INTS2: variants seen among roughly 807,000 people sequenced by gnomAD.
The protein encoded by INTS2 is KIAA1287.
A neutral mutation model predicts 139.6 loss-of-function variants in INTS2; 57 were observed. That is an observed-to-expected ratio of 0.41 (90% CI 0.33 to 0.51). The LOEUF is 0.51. INTS2 is among the 20% of genes least tolerant of loss of function. The pLI, the probability that INTS2 is intolerant of heterozygous loss-of-function variation, is 0.28. For synonymous variants in INTS2, 473 were observed against 493.4 expected (o/e 0.96, Z 0.55); for missense variants, 1,196 against 1,436.7 (o/e 0.83, Z 2.71).
At chr17:61,891,410 A>C in intron 14 of INTS2, 103 bp downstream of exon 14, 1 of 842,220 alleles carries the variant, frequency 1.2e-6, no homozygotes, top group East Asian at 2.5e-5. Context: ...TTTTAAATTC[A>C]GAACTACCTA....
chr17:61,921,036 C>T (rs2079635958), intron 4 of INTS2, among the ~76,000 whole-genome samples: 2 of 152,144 alleles, frequency 1.3e-5, no homozygotes, highest in Non-Finnish European at 2.9e-5. Context: ...CCTCCTGCCT[C>T]GGCCTCCCAA....
intron 13 of INTS2, among the ~76,000 whole-genome samples, chr17:61,892,877 C>T (rs1437527208): frequency 1.3e-5 from 2 of 150,566 alleles, no homozygotes; most frequent in African/African-American, 4.9e-5. Flanking sequence ...TCACTTGAAC[C>T]CAGGAGGCGG....
chr17:61,869,053 G>C lies in INTS2; in HGVS notation c.3225C>G (p.Val1075=). The C allele has an allele frequency of 6.2e-7, 1 of 1,606,386 alleles. No individual in the cohort carries two copies. The highest frequency in any genetic ancestry group is 8.5e-7 in the Non-Finnish European group (1 of 1,173,578). ...SLSVARLAVN[V]MGTLLTVLTQ... ...ACATACCTGTTAACAAAGTTCCCATGACATTGACAGCTAAACGAGCCACAC... is the reference window on the plus strand; with the variant it reads ...ACATACCTGTTAACAAAGTTCCCATCACATTGACAGCTAAACGAGCCACAC... The change falls in exon 23 of 25, where the codon GTC becomes GTG. Residue 1075 remains valine, a synonymous_variant. Transcript: ENST00000251334. The surrounding 1 kb of genome is among the most constrained non-coding windows in gnomAD (Gnocchi z 5.4).
intron 17 of INTS2, among the ~76,000 whole-genome samples, chr17:61,879,645 G>A (rs1338015971): frequency 6.6e-6 from 1 of 152,142 alleles, no homozygotes; most frequent in Non-Finnish European, 1.5e-5. Flanking sequence ...GAGCCCACGA[G>A]TTTGAGACCA....
intron 9 of INTS2, among the ~76,000 whole-genome samples, chr17:61,898,321 G>A (rs1161122753): frequency 6.6e-6 from 1 of 152,154 alleles, no homozygotes; most frequent in Non-Finnish European, 1.5e-5. Flanking sequence ...TTGAGACAAT[G>A]TCTTGCTCTG....
intron 16 of INTS2, among the ~76,000 whole-genome samples, 152 bp from the exon 17 acceptor site, chr17:61,881,323 G>T (rs1050824335): frequency 3.9e-5 from 6 of 152,242 alleles, no homozygotes; most frequent in Middle Eastern, 6.8e-3. Flanking sequence ...ATGGCCGGGC[G>T]CGGTGGCTCA....
At chr17:61,921,872 T>G (rs1186247976) in intron 3 of INTS2, 45 bp from the exon 4 acceptor site, 1 of 953,944 alleles carries the variant, frequency 1.0e-6, no homozygotes, top group Non-Finnish European at 1.6e-6. Context: ...TAATTTCAGA[T>G]AATTAAATCC....
intron 5 of INTS2, among the ~76,000 whole-genome samples, chr17:61,912,734 A>C (rs1177285758): frequency 1.3e-5 from 2 of 152,122 alleles, no homozygotes; most frequent in African/African-American, 4.8e-5. Context: ...AATCATACCA[A>C]GAAACATCAT....
chr17:61,911,891 T>G, intron 6 of INTS2, 49 bp downstream of exon 6: 1 of 1,580,442 alleles, frequency 6.3e-7, no homozygotes. Context: ...AGAAGAGTTC[T>G]TGGACCTAAT....
rs2079174131 is a variant in INTS2 at position 61,881,098 on chromosome 17, A to G, written c.2163T>C (p.Cys721=). 1.9e-6 allele frequency: 3 copies of G among 1,613,680 alleles called. No homozygotes were observed. Among genetic ancestry groups the G allele is most frequent in the Admixed American group, 1.7e-5 (1 of 60,020 alleles). The change falls in exon 17 of 25, where the codon TGT becomes TGC. Residue 721 remains cysteine (C), a synonymous_variant. Coordinates refer to ENST00000251334, the MANE Select transcript of INTS2 (RefSeq NM_001351695.2). Reference sequence around the variant, plus strand: ...CATCAGTCCCTGTGATTTCTTCTTCACAAATCCAGTCATCCACAATACATA... The same window carrying G: ...CATCAGTCCCTGTGATTTCTTCTTCGCAAATCCAGTCATCCACAATACATA... ...PHLCIVDDWI[C]EEEITGTDAL...
In INTS2 at chr17:61,868,444, C is replaced by T. The variant is rs558987721; in HGVS notation, c.3245-435G>A. ...GATATAAATACGATGAAAAGAAAAA[C>T]AACAGGGTATTATGGAAATATTATA... On this transcript the variant is annotated intron_variant, in intron 23 of 24. Transcript: ENST00000251334. The surrounding 1 kb of genome is among the most constrained non-coding windows in gnomAD (Gnocchi z 4.7). Among the ~76,000 whole-genome samples, 1 of 152,092 alleles carries T rather than the reference C, an allele frequency of 6.6e-6. No homozygotes were observed. Among genetic ancestry groups the T allele is most frequent in the Admixed American group, 6.5e-5 (1 of 15,272 alleles).
chr17:61,915,347 AAT>A (rs1197049222), intron 5 of INTS2, among the ~76,000 whole-genome samples: 73 of 149,184 alleles, frequency 4.9e-4, no homozygotes, highest in African/African-American at 1.8e-3. Flanking sequence ...CAAAAAAATA[AAT>A]AAATAAATAA....
chr17:61,911,075 G>T, intron 7 of INTS2: 1 of 173,522 alleles, frequency 5.8e-6, no homozygotes, highest in Non-Finnish European at 1.2e-5. Flanking sequence ...TAGGGTTATT[G>T]TTGTTTGGTT....
At position 61,867,539 on chromosome 17, in the gene INTS2, G is replaced by T; in HGVS notation, c.*18C>A. ...GGGTATATGCAGCAAACAACTTTTTGTTGTTTTAAATTTTGTTTTAAATTC... is the reference window on the plus strand; with the variant it reads ...GGGTATATGCAGCAAACAACTTTTTTTTGTTTTAAATTTTGTTTTAAATTC... On this transcript the variant is annotated 3_prime_UTR_variant, in exon 25 of 25. Transcript: ENST00000251334. This position sits in a 1 kb window ranked among gnomAD's most constrained non-coding sequence, Gnocchi z 5.6. The T allele has an allele frequency of 2.6e-6, 4 of 1,551,962 alleles. No homozygotes were observed. The highest frequency in any genetic ancestry group is 3.5e-6 in the Non-Finnish European group (4 of 1,135,772).
At chr17:61,916,992 C>A (rs2079589409) in intron 5 of INTS2, among the ~76,000 whole-genome samples, 1 of 152,004 alleles carries the variant, frequency 6.6e-6, no homozygotes, top group African/African-American at 2.4e-5. Flanking sequence ...CGAACAGATA[C>A]TTCTCAAAAG....
chr17:61,912,559 T>C (rs1603381849), intron 5 of INTS2, among the ~76,000 whole-genome samples: 1 of 151,404 alleles, frequency 6.6e-6, no homozygotes, highest in Non-Finnish European at 1.5e-5. Flanking sequence ...GAGGTGGAGG[T>C]TGCAGTGAGC....
chr17:61,880,857 A>G, intron 17 of INTS2, 150 bp downstream of exon 17: 1 of 582,024 alleles, frequency 1.7e-6, no homozygotes, highest in Non-Finnish European at 2.9e-6. Flanking sequence ...AAATTCCTTA[A>G]ACGCAAAGAG....
Position 61,893,778 on chromosome 17 carries a change from T to C in INTS2, c.1685A>G (p.Lys562Arg). 6.3e-7 allele frequency: 1 copy of C among 1,586,316 alleles called. No homozygotes were observed. Among genetic ancestry groups the C allele is most frequent in the East Asian group, 2.3e-5 (1 of 43,964 alleles). ...GTAGGGGCATACTTTTATTGACACT[T>C]TGTGCTTGGTAAAGGAACGGCTCCT... ...LLRSRSFTKH[K>R]VSIKDWIYRQ... Residue 562 changes from lysine to arginine, a missense_variant, in exon 13 of 25, where the codon AAA becomes AGA. Physicochemically the swap from Lys to Arg is conservative, Grantham distance 26. Coordinates refer to ENST00000251334, the MANE Select transcript of INTS2 (RefSeq NM_001351695.2). This position sits in a 1 kb window ranked among gnomAD's most constrained non-coding sequence, Gnocchi z 5.4.
In INTS2 at chr17:61,882,133, T is replaced by C. The variant is rs1269283589; in HGVS notation, c.2090-962A>G. ...TACCTGAAAGGTCTCAGGTACTTTATGTACGTTTTCTCATCTCTCCCTAAC... is the reference window on the plus strand; with the variant it reads ...TACCTGAAAGGTCTCAGGTACTTTACGTACGTTTTCTCATCTCTCCCTAAC... On this transcript the variant is annotated intron_variant, in intron 16 of 24. Transcript: ENST00000251334. This position sits in a 1 kb window ranked among gnomAD's most constrained non-coding sequence, Gnocchi z 4.7. Among the ~76,000 whole-genome samples the C allele has an allele frequency of 6.6e-6, 1 of 152,210 alleles. No individual in the cohort carries two copies. The highest frequency in any genetic ancestry group is 1.5e-5 in the Non-Finnish European group (1 of 68,038).
Sources: gnomAD v4.1 joint callset for allele counts (sites outside exome capture counted in the v4.1 genomes callset) on GRCh38, gnomAD v4.1.1 for gene constraint, Gnocchi (gnomAD v3.1) non-coding constraint, MANE v1.5 for transcripts, NCBI Gene and HGNC (gene_info 2026-07-23, HGNC 2026-07-21) for gene names.